The following REST variants were observed in gnomAD, a reference collection of about 807,000 sequenced individuals.
The protein encoded by REST is RE1 silencing transcription factor.
In REST, 1 loss-of-function variant was observed where a neutral mutation model predicts 30.4. That is an observed-to-expected ratio of 0.03 (90% CI 0.01 to 0.16). The LOEUF is 0.16. REST is among the 10% of genes least tolerant of loss of function. The pLI, the probability that REST is intolerant of heterozygous loss-of-function variation, is 1.00. For missense variants in REST, 1,259 were observed against 1,329.5 expected (o/e 0.95, Z 0.82); for synonymous variants, 504 against 451.1 (o/e 1.12, Z -1.49).
intron 3 of REST, among the ~76,000 whole-genome samples, chr4:56,929,053 T>C (rs1236857242): frequency 2.7e-5 from 4 of 150,748 alleles, no homozygotes; most frequent in South Asian, 2.1e-4. Flanking sequence ...TGCACTCCAC[T>C]ATGCCTGGCT....
chr4:56,912,993 T>A (rs1372568014), intron 2 of REST, among the ~76,000 whole-genome samples: 1 of 151,200 alleles, frequency 6.6e-6, no homozygotes, highest in Non-Finnish European at 1.5e-5. Flanking sequence ...ATGGGGGGTC[T>A]CACTATGTTG....
At chr4:56,926,801 A>G (rs1404583703) in intron 3 of REST, among the ~76,000 whole-genome samples, 2 of 151,742 alleles carry the variant, frequency 1.3e-5, no homozygotes, top group Non-Finnish European at 2.9e-5. Flanking sequence ...AGAGTATTTT[A>G]TAGATGAAAT....
intron 1 of REST, 136 bp from the exon 2 acceptor site, chr4:56,910,494 A>G: frequency 1.5e-6 from 1 of 666,748 alleles, no homozygotes; most frequent in Non-Finnish European, 2.4e-6. Flanking sequence ...TGTTTTTAAT[A>G]GGCGATGAAG....
intron 3 of REST, among the ~76,000 whole-genome samples, chr4:56,924,016 C>T (rs760915004): frequency 3.3e-5 from 5 of 152,080 alleles, no homozygotes; most frequent in Middle Eastern, 3.2e-3. Context: ...CCACCACACC[C>T]GGCCAATATC....
In REST at chr4:56,931,276, C is replaced by G; in HGVS notation, c.2418C>G (p.His806Gln). The change falls in exon 4 of 4, where the codon CAC (histidine) becomes CAG (glutamine). Residue 806 changes from histidine to glutamine, a missense_variant. Coordinates refer to ENST00000309042, the MANE Select transcript of REST (RefSeq NM_005612.5). ...CTCCTCCCAGAGAGCCTCCCCTTCA[C>G]ATGGAGCCAATTTCCAAAAAGCCTC... ...EPPPPREPPL[H>Q]MEPISKKPPL... 1 of 1,614,232 alleles carries G rather than the reference C, an allele frequency of 6.2e-7. No homozygotes were observed. Among genetic ancestry groups the G allele is most frequent in the South Asian group, 1.1e-5 (1 of 91,086 alleles).
In REST at chr4:56,910,992, C is replaced by T. The variant is rs747861467; in HGVS notation, c.354C>T (p.Val118=). ...AACTGAGAAGTTTGGAACTCAGCGT[C>T]GTAGAACCTCAGCCTGTATTTGAGG... ...NMELRSLELS[V]VEPQPVFEAS... is the part of the protein sequence containing the mutation. The change falls in exon 2 of 4, where the codon GTC becomes GTT. Residue 118 remains valine, a synonymous_variant. Coordinates refer to ENST00000309042, the MANE Select transcript of REST (RefSeq NM_005612.5). The T allele has an allele frequency of 3.1e-6, 5 of 1,614,038 alleles. No individual in the cohort carries two copies. The South Asian group carries it at 4.4e-5, about 14-fold the overall frequency.
intron 2 of REST, 75 bp downstream of exon 2, chr4:56,911,611 T>C: frequency 1.6e-6 from 2 of 1,256,312 alleles, no homozygotes; most frequent in Non-Finnish European, 2.2e-6. Context: ...TAAGTAGTGC[T>C]TGAGAAAAAG....
In REST at chr4:56,930,742, G is replaced by T. The variant is rs1578514506; in HGVS notation, c.1884G>T (p.Val628=). Residue 628 remains valine (V), a synonymous_variant, in exon 4 of 4, where the codon GTG becomes GTT. Coordinates refer to ENST00000309042, the MANE Select transcript of REST (RefSeq NM_005612.5). The stretch of plus-strand genomic sequence containing the variant: ...CGGTTCAGAAGGGGCCCGTTCAGGT[G>T]GAGCCGCCACCTCCCATGGAGCATG... ...TEAVQKGPVQ[V]EPPPPMEHAQ... is the part of the protein sequence containing the mutation. The T allele has an allele frequency of 6.2e-7, 1 of 1,600,778 alleles. No individual in the cohort carries two copies. The highest frequency in any genetic ancestry group is 8.5e-7 in the Non-Finnish European group (1 of 1,176,264).
At chr4:56,915,246 T>G (rs1292297087) in intron 2 of REST, among the ~76,000 whole-genome samples, 6 of 134,540 alleles carry the variant, frequency 4.5e-5, no homozygotes, top group Non-Finnish European at 8.0e-5. Context: ...GTGTATTTTT[T>G]TTTTTTTTTT....
chr4:56,913,600 C>T (rs1465942188), intron 2 of REST, among the ~76,000 whole-genome samples: 4 of 152,130 alleles, frequency 2.6e-5, no homozygotes, highest in Non-Finnish European at 5.9e-5. Flanking sequence ...AAAGGGGACA[C>T]TGAGGAGGGG....
intron 2 of REST, among the ~76,000 whole-genome samples, chr4:56,918,051 C>CAAA (rs528213458): frequency 1.0e-4 from 10 of 98,116 alleles, no homozygotes; most frequent in Admixed American, 1.1e-4. Flanking sequence ...GACTCCGTCT[C>CAAA]AAAAAAAAAA....
Position 56,931,270 on chromosome 4 carries a change from C to T in REST, c.2412C>T (p.Pro804=). 6.2e-7 allele frequency: 1 copy of T among 1,614,222 alleles called. No homozygotes were observed. The highest frequency in any genetic ancestry group is 8.5e-7 in the Non-Finnish European group (1 of 1,180,034). The change falls in exon 4 of 4, where the codon CCC becomes CCT. Residue 804 remains proline, a synonymous_variant. Transcript: ENST00000309042. ...AGCCACCTCCTCCCAGAGAGCCTCC[C>T]CTTCACATGGAGCCAATTTCCAAAA... ...QREPPPPREP[P]LHMEPISKKP...
intron 2 of REST, among the ~76,000 whole-genome samples, chr4:56,917,588 CCAGA>C (rs963956541): frequency 3.0e-4 from 45 of 152,258 alleles, no homozygotes; most frequent in African/African-American, 9.9e-4. Flanking sequence ...TTACTATGTG[CCAGA>C]CACAGTGTTA....
intron 1 of REST, chr4:56,909,400 C>T (rs1359408885): frequency 6.6e-6 from 1 of 152,256 alleles, no homozygotes; most frequent in Non-Finnish European, 1.5e-5. Context: ...GCACGTTGGG[C>T]TTTCGGGCTG....
At chr4:56,927,431 T>G (rs1405117396) in intron 3 of REST, among the ~76,000 whole-genome samples, 1 of 152,226 alleles carries the variant, frequency 6.6e-6, no homozygotes, top group Non-Finnish European at 1.5e-5. Flanking sequence ...CTGGATAAGG[T>G]GATTATTTTA....
Position 56,930,488 on chromosome 4 carries a change from A to G in REST, c.1630A>G (p.Lys544Glu). The G allele has an allele frequency of 6.2e-7, 1 of 1,612,288 alleles. No homozygotes were observed. Among genetic ancestry groups the G allele is most frequent in the Non-Finnish European group, 8.5e-7 (1 of 1,179,654 alleles). Residue 544 changes from lysine to glutamate, a missense_variant, in exon 4 of 4, where the codon AAA becomes GAA. Transcript: ENST00000309042. ...VNDEESSTKK[K>E]KKVESKSKNN... ...TGATGAGGAATCTTCAACAAAAAAG[A>G]AAAAGAAGGTAGAAAGCAAATCCAA... is the stretch of plus-strand genomic sequence containing the variant.
chr4:56,917,480 G>A (rs1016973524), intron 2 of REST, among the ~76,000 whole-genome samples: 1 of 151,970 alleles, frequency 6.6e-6, no homozygotes, highest in African/African-American at 2.4e-5. Flanking sequence ...CACCATGCCT[G>A]GCCTGTTCTT....
chr4:56,924,638 T>G (rs1245566763), intron 3 of REST, among the ~76,000 whole-genome samples: 1 of 151,850 alleles, frequency 6.6e-6, no homozygotes, highest in Non-Finnish European at 1.5e-5. Context: ...TTTTCTTTCT[T>G]TTTTGTAGAG....
At position 56,911,078 on chromosome 4, in the gene REST, C is replaced by T. The variant is rs1310429913; in HGVS notation, c.440C>T (p.Ala147Val). Residue 147 changes from alanine (A) to valine (V), a missense_variant, in exon 2 of 4, where the codon GCG (alanine) becomes GTG (valine). Physicochemically the swap from Ala to Val is moderately conservative, Grantham distance 64. This residue lies in a region of REST where 249 missense variants were observed against 251.5 expected (regional missense o/e 0.99). Coordinates refer to ENST00000309042, the MANE Select transcript of REST (RefSeq NM_005612.5). Reference sequence around the variant, plus strand: ...GATCTTCCCCCTGAAACACCTGGAGCGGAGGACAAAGGCAAGAGCTCGAAG... The same window carrying T: ...GATCTTCCCCCTGAAACACCTGGAGTGGAGGACAAAGGCAAGAGCTCGAAG... ...NKDLPPETPG[A>V]EDKGKSSKTK... 6.2e-6 allele frequency: 10 copies of T among 1,613,968 alleles called. No individual in the cohort carries two copies. Among genetic ancestry groups the T allele is most frequent in the South Asian group, 1.1e-5 (1 of 91,086 alleles).
Sources: gnomAD v4.1 joint callset for allele counts (sites outside exome capture counted in the v4.1 genomes callset) on GRCh38, gnomAD v4.1.1 for gene constraint, gnomAD v4.1.1 regional missense constraint, MANE v1.5 for transcripts, NCBI Gene and HGNC (gene_info 2026-07-23, HGNC 2026-07-21) for gene names.